Variants in SLC1A7 observed in about 807,000 individuals in gnomAD.
SLC1A7 encodes the protein excitatory amino acid transporter 5.
A neutral mutation model predicts 47.7 loss-of-function variants in SLC1A7; 40 were observed. The ratio of observed to expected loss-of-function variants is 0.84; its 90% CI spans 0.65 to 1.09. The LOEUF is 1.09. Ranked by LOEUF, SLC1A7 falls within the 50% of genes least tolerant of loss-of-function variation. SLC1A7 has a pLI of 0.00. For synonymous variants in SLC1A7, 323 were observed against 325.6 expected, an observed-to-expected ratio of 0.99 and a Z score of 0.09; for missense variants, 746 against 769.5, an observed-to-expected ratio of 0.97 and a Z score of 0.36.
chr1:53,107,181 G>T (rs1355351948), intron 3 of SLC1A7, among the ~76,000 whole-genome samples: 1 of 138,454 alleles, frequency 7.2e-6, no homozygotes, highest in Non-Finnish European at 1.5e-5. Context: ...AAAAAAAAAG[G>T]CAAAGAAACC....
At chr1:53,113,987 GC>G (rs1644727696) in intron 3 of SLC1A7, among the ~76,000 whole-genome samples, 1 of 152,072 alleles carries the variant, frequency 6.6e-6, no homozygotes, top group Admixed American at 6.5e-5. Context: ...CTCACCGGCA[GC>G]CCCAGCTTCC....
intron 3 of SLC1A7, among the ~76,000 whole-genome samples, chr1:53,108,848 G>A (rs760429041): frequency 6.6e-6 from 1 of 152,186 alleles, no homozygotes; most frequent in South Asian, 2.1e-4. Context: ...GCAGCCAAAA[G>A]CAAGTCCTGA....
chr1:53,108,956 T>C (rs1644674376), intron 3 of SLC1A7, among the ~76,000 whole-genome samples: 1 of 152,206 alleles, frequency 6.6e-6, no homozygotes, highest in African/African-American at 2.4e-5. Context: ...TACATTTTCT[T>C]TTGGCTTTGA....
At chr1:53,097,665 C>A (rs2150319574) in intron 5 of SLC1A7, among the ~76,000 whole-genome samples, 1 of 147,838 alleles carries the variant, frequency 6.8e-6, no homozygotes, top group East Asian at 2.1e-4. Context: ...CATCCCACCT[C>A]AGTACACTCG....
chr1:53,138,062 G>A (rs1197871473), intron 1 of SLC1A7, among the ~76,000 whole-genome samples: 2 of 152,180 alleles, frequency 1.3e-5, no homozygotes, highest in African/African-American at 4.8e-5. Context: ...CTTTACCTCT[G>A]ATATTAGCCT....
intron 1 of SLC1A7, among the ~76,000 whole-genome samples, 192 bp downstream of exon 1, chr1:53,142,123 G>A (rs753193215): frequency 2.6e-5 from 4 of 152,138 alleles, no homozygotes; most frequent in Admixed American, 6.5e-5. Flanking sequence ...CACATCACTG[G>A]TTCTTCCCTC....
At chr1:53,093,365 T>G in intron 6 of SLC1A7, 96 bp downstream of exon 6, 1 of 1,014,656 alleles carries the variant, frequency 9.9e-7, no homozygotes, top group Non-Finnish European at 1.5e-6. Flanking sequence ...TGGGCACAGC[T>G]TTCTGCTCAC....
rs1407329258 is a variant in SLC1A7, at chr1:53,090,951, C to T, written c.1032-145G>A. 19 of 1,525,438 alleles carry T rather than the reference C, an allele frequency of 1.2e-5. No homozygotes were observed. In the South Asian group the frequency reaches 1.5e-4, roughly 12 times the overall value. 94.5% of individuals were successfully genotyped at this position (1,525,438 alleles called of 1,614,324 possible). ...CGCTGCTCCGGCAGGAGGTAAGGAC[C>T]GCGGGCACTGCAGTGCTCTCACTTG... On this transcript the variant is annotated intron_variant, in intron 7 of 10. Transcript: ENST00000371494.
chr1:53,104,639 A>G (rs188700895), intron 4 of SLC1A7, among the ~76,000 whole-genome samples: 1 of 152,300 alleles, frequency 6.6e-6, no homozygotes, highest in East Asian at 1.9e-4. Flanking sequence ...CCCCTTCACA[A>G]TCTGGCTTAT....
At chr1:53,120,738 A>C (rs1351932376) in intron 2 of SLC1A7, among the ~76,000 whole-genome samples, 1 of 152,182 alleles carries the variant, frequency 6.6e-6, no homozygotes, top group East Asian at 1.9e-4. Flanking sequence ...CTCAACCCGA[A>C]TCCCCAGGGC....
intron 3 of SLC1A7, among the ~76,000 whole-genome samples, chr1:53,107,374 A>C (rs963074630): frequency 2.6e-5 from 4 of 152,124 alleles, no homozygotes; most frequent in Non-Finnish European, 4.4e-5. Context: ...TTCGTGGAAA[A>C]ACTGATGGAA....
intron 5 of SLC1A7, among the ~76,000 whole-genome samples, chr1:53,094,724 G>A (rs916117664): frequency 9.2e-5 from 14 of 152,294 alleles, no homozygotes; most frequent in East Asian, 5.8e-4. Context: ...CTCCCCTGCC[G>A]GCTCCGCCCT....
intron 3 of SLC1A7, chr1:53,108,534 G>A (rs1432560600): frequency 7.0e-6 from 5 of 717,390 alleles, no homozygotes; most frequent in Non-Finnish European, 1.3e-5. Flanking sequence ...CCATCGAGAG[G>A]TGAGTGGAAG....
At chr1:53,105,974 C>G (rs567836284) in intron 3 of SLC1A7, among the ~76,000 whole-genome samples, 200 bp from the exon 4 acceptor site, 1 of 152,208 alleles carries the variant, frequency 6.6e-6, no homozygotes, top group African/African-American at 2.4e-5. Context: ...CACATACTTT[C>G]CAGAGCCAGG....
rs1314168313 is a variant in SLC1A7 at position 53,117,772 on chromosome 1, C to T, written c.216-2799G>A. On this transcript the variant is annotated intron_variant, in intron 2 of 10. Transcript: ENST00000371494. ...CCACCGGGGACGAAGAGGCCTAACA[C>T]GGGGGTGGCGCCAACTCAGGGACAG... Among the ~76,000 whole-genome samples, 7 of 152,208 alleles carry T rather than the reference C, an allele frequency of 4.6e-5. No homozygotes were observed. The East Asian group carries it at 9.6e-4, about 21-fold the overall frequency.
At chr1:53,139,042 T>G (rs1281613180) in intron 1 of SLC1A7, among the ~76,000 whole-genome samples, 2 of 152,190 alleles carry the variant, frequency 1.3e-5, no homozygotes, top group Non-Finnish European at 2.9e-5. Context: ...GACCCCCTTT[T>G]CTCTTCGTTT....
At chr1:53,089,209 G>T (rs1644392932) in intron 9 of SLC1A7, among the ~76,000 whole-genome samples, 1 of 152,022 alleles carries the variant, frequency 6.6e-6, no homozygotes, top group African/African-American at 2.4e-5. Flanking sequence ...GTTAGGTTTG[G>T]TTTAATCCTC....
rs779757066 is a variant in SLC1A7 at position 53,088,096 on chromosome 1, G to A, written c.1596C>T (p.Pro532=). The A allele has an allele frequency of 2.2e-5, 36 of 1,611,532 alleles. No homozygotes were observed. The highest frequency in any genetic ancestry group is 2.2e-5 in the East Asian group (1 of 44,772). The change falls in exon 11 of 11, where the codon CCC becomes CCT. Residue 532 remains proline (P), a synonymous_variant. Coordinates refer to ENST00000371494, the MANE Select transcript of SLC1A7 (RefSeq NM_006671.6). ...GCTCCTCATCCTGCTCCACTTGAAC[G>A]GGGACGTGGTGGGGGCAGGTGGGGC... ...TLGPTCPHHV[P]VQVEQDEELP...
At chr1:53,090,068 A>G (rs1247029840) in intron 8 of SLC1A7, 134 bp from the exon 9 acceptor site, 6 of 881,768 alleles carry the variant, frequency 6.8e-6, no homozygotes, top group Non-Finnish European at 9.0e-6. Flanking sequence ...TAGGAATGCC[A>G]CACCAGGGAG....
Sources: gnomAD v4.1 joint callset for allele counts (sites outside exome capture counted in the v4.1 genomes callset) on GRCh38, gnomAD v4.1.1 for gene constraint, MANE v1.5 for transcripts, NCBI Gene and HGNC (gene_info 2026-07-23, HGNC 2026-07-21) for gene names.